TSPAN18: variants seen among roughly 807,000 people sequenced by gnomAD.
TSPAN18 encodes the protein tetraspanin-18.
TSPAN18 carries 14 observed loss-of-function variants against 27.3 expected under a neutral mutation model. The ratio of observed to expected loss-of-function variants is 0.51; its 90% CI spans 0.34 to 0.80. The LOEUF (loss-of-function observed/expected upper bound fraction) is 0.80. TSPAN18 is among the 30% of genes least tolerant of loss of function. TSPAN18 has a pLI of 0.01. For synonymous variants in TSPAN18, 143 were observed against 136.5 expected, an observed-to-expected ratio of 1.05 and a Z score of -0.33; for missense variants, 268 against 323.9, an observed-to-expected ratio of 0.83 and a Z score of 1.32.
chr11:44,744,256 G>A (rs1311254555), intron 1 of TSPAN18, among the ~76,000 whole-genome samples: 2 of 152,216 alleles, frequency 1.3e-5, no homozygotes, highest in Non-Finnish European at 2.9e-5. Context: ...AGTTGCTTTC[G>A]AGAAAACCTC....
chr11:44,743,507 G>T (rs1470371222), intron 1 of TSPAN18, among the ~76,000 whole-genome samples: 2 of 152,208 alleles, frequency 1.3e-5, no homozygotes, highest in Non-Finnish European at 2.9e-5. Context: ...TGGGACAACA[G>T]CAGGCAAGTG....
chr11:44,772,416 G>C (rs1302758208), intron 2 of TSPAN18, among the ~76,000 whole-genome samples: 1 of 51,890 alleles, frequency 1.9e-5, no homozygotes, highest in Middle Eastern at 9.6e-3. Flanking sequence ...GTAAACAACC[G>C]TTATGACATG....
rs1039027880 is a variant in TSPAN18 at position 44,931,643 on chromosome 11, T to G, written c.*2465T>G. On this transcript the variant is annotated 3_prime_UTR_variant, in exon 10 of 10. Coordinates refer to ENST00000520358, the MANE Select transcript of TSPAN18 (RefSeq NM_130783.5). ...AGGCAGTTTCTGCTCCTGTTGGCAT[T>G]CGCTCAGGCTGGTAGCTATTTGCAA... The G allele has an allele frequency of 8.5e-5, 13 of 152,448 alleles. No homozygotes were observed. Among genetic ancestry groups the G allele is most frequent in the African/African-American group, 3.1e-4 (13 of 41,582 alleles). The allele number at this position is 152,448 out of a possible 1,614,324, so 9.4% of individuals were successfully genotyped here. A position where few individuals can be genotyped will look rare whatever the true frequency, so the allele number is the denominator to read the frequency against.
chr11:44,912,169 G>A (rs1455465030), intron 5 of TSPAN18, among the ~76,000 whole-genome samples: 1 of 151,834 alleles, frequency 6.6e-6, no homozygotes, highest in Non-Finnish European at 1.5e-5. Flanking sequence ...ACACAGGCAC[G>A]TACTGTCACG....
intron 3 of TSPAN18, among the ~76,000 whole-genome samples, chr11:44,881,860 A>G (rs1486940593): frequency 2.6e-5 from 4 of 152,118 alleles, no homozygotes; most frequent in Non-Finnish European, 4.4e-5. Flanking sequence ...CAGAACATTT[A>G]CCTTGGCAAA....
At chr11:44,794,703 C>CT (rs1856307168) in intron 2 of TSPAN18, among the ~76,000 whole-genome samples, 2 of 151,996 alleles carry the variant, frequency 1.3e-5, no homozygotes, top group African/African-American at 2.4e-5. Flanking sequence ...AGTCTCTGTT[C>CT]CGAGACGTAA....
intron 2 of TSPAN18, among the ~76,000 whole-genome samples, chr11:44,845,450 GC>G: frequency 6.6e-6 from 1 of 152,314 alleles, no homozygotes; most frequent in Middle Eastern, 3.4e-3. Flanking sequence ...GTTGATGAGG[GC>G]CCTGCAGGGA....
intron 2 of TSPAN18, among the ~76,000 whole-genome samples, chr11:44,803,255 G>T (rs1422695504): frequency 6.6e-6 from 1 of 152,150 alleles, no homozygotes; most frequent in Non-Finnish European, 1.5e-5. Flanking sequence ...TACTGAGGTG[G>T]CCTTGAAGGA....
chr11:44,765,517 C>T (rs151148807), intron 2 of TSPAN18, among the ~76,000 whole-genome samples: 12 of 152,340 alleles, frequency 7.9e-5, no homozygotes, highest in East Asian at 7.7e-4. Flanking sequence ...CACAGTGTGA[C>T]GCTCACTCAC....
At chr11:44,840,035 A>C (rs758721689) in intron 2 of TSPAN18, among the ~76,000 whole-genome samples, 1 of 152,212 alleles carries the variant, frequency 6.6e-6, no homozygotes, top group Non-Finnish European at 1.5e-5. Context: ...AGGAGTGAGC[A>C]TCATCCTAAG....
chr11:44,818,875 C>T (rs1157128678), intron 2 of TSPAN18, among the ~76,000 whole-genome samples: 1 of 152,066 alleles, frequency 6.6e-6, no homozygotes, highest in Non-Finnish European at 1.5e-5. Context: ...CTGCCACTAA[C>T]AGCACGTGGC....
At chr11:44,762,925 G>A (rs542049685) in intron 1 of TSPAN18, among the ~76,000 whole-genome samples, 38 of 152,208 alleles carry the variant, frequency 2.5e-4, no homozygotes, top group Middle Eastern at 3.4e-3. Flanking sequence ...ACTGTGAGGC[G>A]AACGTGATAA....
At chr11:44,809,612 A>AG (rs2135093481) in intron 2 of TSPAN18, among the ~76,000 whole-genome samples, 1 of 150,902 alleles carries the variant, frequency 6.6e-6, no homozygotes, top group Admixed American at 6.6e-5. Flanking sequence ...CTGAATCTTG[A>AG]GGGGGTGGGT....
chr11:44,866,351 G>C (rs1159985280), intron 3 of TSPAN18, among the ~76,000 whole-genome samples: 1 of 152,194 alleles, frequency 6.6e-6, no homozygotes, highest in Non-Finnish European at 1.5e-5. Context: ...TGGATTTCTT[G>C]CCACCTAGGA....
At chr11:44,873,101 G>A (rs369659106) in intron 3 of TSPAN18, among the ~76,000 whole-genome samples, 26 of 152,208 alleles carry the variant, frequency 1.7e-4, no homozygotes, top group African/African-American at 5.3e-4. Context: ...TAAGGGGCTG[G>A]AGGTGACAGT....
chr11:44,838,088 T>C (rs780114666), intron 2 of TSPAN18, among the ~76,000 whole-genome samples: 1 of 152,154 alleles, frequency 6.6e-6, no homozygotes, highest in Non-Finnish European at 1.5e-5. Context: ...CATGTCCCAA[T>C]CGCTGGAACC....
intron 3 of TSPAN18, chr11:44,897,635 G>C: frequency 3.7e-6 from 2 of 547,776 alleles, no homozygotes; most frequent in Admixed American, 5.1e-5. Flanking sequence ...CAGATTAGCA[G>C]GACAGTTGCC....
intron 2 of TSPAN18, among the ~76,000 whole-genome samples, chr11:44,844,437 T>C (rs1857439178): frequency 6.6e-6 from 1 of 152,230 alleles, no homozygotes; most frequent in South Asian, 2.1e-4. Context: ...AGTGGGCATG[T>C]CATAGGACAG....
intron 9 of TSPAN18, among the ~76,000 whole-genome samples, chr11:44,927,245 CTGCAGACCGTT>C (rs1486102503): frequency 6.6e-6 from 1 of 152,218 alleles, no homozygotes; most frequent in African/African-American, 2.4e-5. Context: ...AGGTAAGCTC[CTGCAGACCGTT>C]TGCAATCACC....
Sources: gnomAD v4.1 joint callset for allele counts (sites outside exome capture counted in the v4.1 genomes callset) on GRCh38, gnomAD v4.1.1 for gene constraint, MANE v1.5 for transcripts, NCBI Gene and HGNC (gene_info 2026-07-23, HGNC 2026-07-21) for gene names.